Variants in TAF3 observed in about 807,000 individuals in gnomAD.
The protein encoded by TAF3 is TATA-box binding protein associated factor 3, also known as transcription initiation factor TFIID subunit 3.
Under a neutral mutation model 80.6 loss-of-function variants are expected in TAF3, and 7 were observed. That is an observed-to-expected ratio of 0.09 (90% CI 0.05 to 0.16). The LOEUF is 0.16. Among genes scored for constraint, TAF3 ranks in the 10% least tolerant of loss-of-function variants. TAF3 has a pLI of 1.00. For missense variants in TAF3, 921 were observed against 1,140.2 expected, an observed-to-expected ratio of 0.81 and a Z score of 2.77; for synonymous variants, 444 against 446.1, an observed-to-expected ratio of 1.00 and a Z score of 0.06.
chr10:7,869,962 G>C (rs1297678916), intron 2 of TAF3, among the ~76,000 whole-genome samples: 6 of 152,090 alleles, frequency 3.9e-5, no homozygotes, highest in Non-Finnish European at 8.8e-5. Context: ...AGAGATTACT[G>C]AACTACTTTC....
intron 2 of TAF3, among the ~76,000 whole-genome samples, chr10:7,905,680 G>T (rs1213155590): frequency 6.6e-6 from 1 of 152,132 alleles, no homozygotes; most frequent in Non-Finnish European, 1.5e-5. Flanking sequence ...AGGAGTTCGA[G>T]ACCAGCCTGG....
chr10:7,861,221 C>T (rs1837143330), intron 2 of TAF3, among the ~76,000 whole-genome samples: 1 of 152,174 alleles, frequency 6.6e-6, no homozygotes, highest in Non-Finnish European at 1.5e-5. Flanking sequence ...GTCTTGGCCT[C>T]TGGAGTGCTG....
chr10:7,849,110 C>G (rs371224103), intron 2 of TAF3, among the ~76,000 whole-genome samples: 1 of 152,208 alleles, frequency 6.6e-6, no homozygotes, highest in African/African-American at 2.4e-5. Flanking sequence ...CCTTAGGTAC[C>G]AAGTGCTTCA....
At chr10:7,848,501 C>T (rs1836995414) in intron 2 of TAF3, among the ~76,000 whole-genome samples, 2 of 152,096 alleles carry the variant, frequency 1.3e-5, no homozygotes, top group Non-Finnish European at 1.5e-5. Flanking sequence ...ATATGGAGCC[C>T]ATCTCAGCAG....
chr10:7,896,499 T>G (rs912919496), intron 2 of TAF3, among the ~76,000 whole-genome samples: 3 of 152,216 alleles, frequency 2.0e-5, no homozygotes, highest in African/African-American at 7.2e-5. Flanking sequence ...GAATGTTTGC[T>G]TCATAGATCT....
chr10:7,967,984 C>T (rs956618527), intron 3 of TAF3, among the ~76,000 whole-genome samples: 1 of 152,166 alleles, frequency 6.6e-6, no homozygotes, highest in African/African-American at 2.4e-5. Flanking sequence ...GGGATAGTAA[C>T]ATAAATGTTA....
intron 2 of TAF3, among the ~76,000 whole-genome samples, chr10:7,846,887 G>T (rs1836977974): frequency 6.6e-6 from 1 of 152,176 alleles, no homozygotes; most frequent in South Asian, 2.1e-4. Flanking sequence ...ATACAATAGT[G>T]AAATAGATTG....
chr10:8,013,123 T>A (rs979794521), intron 5 of TAF3, among the ~76,000 whole-genome samples: 1 of 152,218 alleles, frequency 6.6e-6, no homozygotes, highest in Non-Finnish European at 1.5e-5. Context: ...ATCCCCTTAT[T>A]TCATTTGCCC....
At chr10:7,877,327 G>T (rs1332569549) in intron 2 of TAF3, among the ~76,000 whole-genome samples, 1 of 151,934 alleles carries the variant, frequency 6.6e-6, no homozygotes, top group Non-Finnish European at 1.5e-5. Flanking sequence ...AATCTGGGAG[G>T]TTTTTCTTCT....
chr10:7,872,668 A>G (rs535879112), intron 2 of TAF3, among the ~76,000 whole-genome samples: 2 of 152,316 alleles, frequency 1.3e-5, no homozygotes, highest in Admixed American at 6.5e-5. Flanking sequence ...AGGGTTTTCA[A>G]AACTATATCT....
chr10:7,936,995 C>CCATA (rs1476667240), intron 2 of TAF3, among the ~76,000 whole-genome samples: 2 of 152,130 alleles, frequency 1.3e-5, no homozygotes, highest in African/African-American at 2.4e-5. Context: ...TCAGATTCCT[C>CCATA]TGTATCTTTT....
chr10:7,946,643 G>C (rs971644138), intron 2 of TAF3, among the ~76,000 whole-genome samples: 1 of 152,000 alleles, frequency 6.6e-6, no homozygotes, highest in Non-Finnish European at 1.5e-5. Context: ...GGATCACTTG[G>C]ACCCAGGAGG....
At chr10:7,886,826 C>A (rs113952777) in intron 2 of TAF3, among the ~76,000 whole-genome samples, 1,669 of 152,072 alleles carry the variant, frequency 0.011, 20 homozygotes, top group Middle Eastern at 0.031. Context: ...CTTATGCTTA[C>A]AAAATTAATA....
intron 4 of TAF3, among the ~76,000 whole-genome samples, chr10:7,978,825 G>T (rs1056593301): frequency 6.6e-6 from 1 of 152,114 alleles, no homozygotes; most frequent in Non-Finnish European, 1.5e-5. Context: ...ACTTAATCTT[G>T]ACTCCCACAC....
chr10:7,947,348 G>A (rs1021895772), intron 2 of TAF3, among the ~76,000 whole-genome samples: 26 of 152,196 alleles, frequency 1.7e-4, no homozygotes, highest in Non-Finnish European at 1.3e-4. Flanking sequence ...TCTGGGTTAG[G>A]CGCTGTTTAG....
At chr10:7,891,766 C>T (rs1474278372) in intron 2 of TAF3, among the ~76,000 whole-genome samples, 1 of 152,192 alleles carries the variant, frequency 6.6e-6, no homozygotes, top group Non-Finnish European at 1.5e-5. Flanking sequence ...GGGTAAAACA[C>T]ATCATTTTCT....
intron 2 of TAF3, among the ~76,000 whole-genome samples, chr10:7,909,169 C>T (rs1837632890): frequency 6.6e-6 from 1 of 152,232 alleles, no homozygotes; most frequent in South Asian, 2.1e-4. Flanking sequence ...GTATCAGCCT[C>T]AACTGGAGCT....
chr10:7,831,989 G>A (rs927891639), intron 2 of TAF3, among the ~76,000 whole-genome samples: 2 of 152,054 alleles, frequency 1.3e-5, no homozygotes, highest in African/African-American at 4.8e-5. Flanking sequence ...GAATAATTAA[G>A]TCAAGCTAGT....
rs191001876 is a variant in TAF3, at chr10:8,009,147, A to C, written c.2385A>C (p.Pro795=). The change falls in exon 5 of 7, where the codon CCA becomes CCC. Residue 795 remains proline, a synonymous_variant. Transcript: ENST00000344293. This position sits in a 1 kb window ranked among gnomAD's most constrained non-coding sequence, Gnocchi z 4.1. The stretch of plus-strand genomic sequence containing the variant: ...CCTCGCAGAACAGGCCGAAGACCCC[A>C]CCGCCGGCCCCCGCGCCCGCCCCCG... ...PAPSQNRPKT[P]PPAPAPAPGP... 10 of 1,583,164 alleles carry C rather than the reference A, an allele frequency of 6.3e-6. No homozygotes were observed. The highest frequency in any genetic ancestry group is 8.6e-6 in the Non-Finnish European group (10 of 1,165,422).
Sources: allele counts gnomAD v4.1 joint callset (sites outside exome capture counted in the v4.1 genomes callset), GRCh38; gene constraint gnomAD v4.1.1; non-coding constraint Gnocchi (gnomAD v3.1); transcripts MANE v1.5; gene names NCBI Gene and HGNC (gene_info 2026-07-23, HGNC 2026-07-21).